GRID1: variants seen among roughly 807,000 people sequenced by gnomAD.
The protein encoded by GRID1 is glutamate ionotropic receptor delta type subunit 1, also known as glutamate receptor ionotropic, delta-1.
In GRID1, 28 loss-of-function variants were observed where a neutral mutation model predicts 98.0. The observed-to-expected ratio is 0.29, with a 90% confidence interval of 0.21 to 0.39. GRID1 has a LOEUF of 0.39. Ranked by LOEUF, GRID1 falls within the 10% of genes least tolerant of loss-of-function variation. The probability of loss-of-function intolerance (pLI) is 1.00; values close to 1 mark genes in which losing one functional copy is unlikely to be tolerated. For synonymous variants in GRID1, 553 were observed against 538.5 expected (o/e 1.03, Z -0.37); for missense variants, 1,111 against 1,340.5 (o/e 0.83, Z 2.67).
rs72842949 is a variant in GRID1, at chr10:85,900,562, G to C, written c.780+15624C>G. On this transcript the variant is annotated intron_variant, in intron 5 of 15. Coordinates refer to ENST00000327946, the MANE Select transcript of GRID1 (RefSeq NM_017551.3). ...AACTCTGCAAAACGGCAATACACTT[G>C]TTGGGAACAATTGATTCATATCTAA... is the stretch of plus-strand genomic sequence containing the variant. Among the ~76,000 whole-genome samples the C allele has an allele frequency of 4.4e-3, 666 of 152,316 alleles. 9 individuals carry two copies. Among genetic ancestry groups the C allele is most frequent in the South Asian group, 0.034 (163 of 4,826 alleles).
At chr10:85,755,945 GGT>G (rs1213158112) in intron 8 of GRID1, among the ~76,000 whole-genome samples, 1 of 152,058 alleles carries the variant, frequency 6.6e-6, no homozygotes, top group African/African-American at 2.4e-5. Context: ...GGACGCCACT[GGT>G]AACAGCTCAG....
chr10:86,310,502 C>A (rs754238598), intron 2 of GRID1, among the ~76,000 whole-genome samples: 2 of 152,198 alleles, frequency 1.3e-5, no homozygotes, highest in African/African-American at 4.8e-5. Context: ...CACCAATATG[C>A]CTTGAGCCCT....
chr10:85,994,018 C>T (rs1366132521), intron 4 of GRID1, among the ~76,000 whole-genome samples: 2 of 152,116 alleles, frequency 1.3e-5, no homozygotes, highest in Non-Finnish European at 2.9e-5. Flanking sequence ...GACATTGCAA[C>T]TTTTAACCTT....
At chr10:85,836,287 TG>T (rs1842910750) in intron 8 of GRID1, among the ~76,000 whole-genome samples, 7 of 151,124 alleles carry the variant, frequency 4.6e-5, no homozygotes, top group Admixed American at 4.6e-4. Flanking sequence ...TGTAGACAAG[TG>T]GAATAGCTCC....
At chr10:86,363,312 C>G (rs1848626210) in intron 2 of GRID1, among the ~76,000 whole-genome samples, 1 of 152,194 alleles carries the variant, frequency 6.6e-6, no homozygotes. Flanking sequence ...GGGCGAACAG[C>G]GCCCACCTCC....
intron 3 of GRID1, among the ~76,000 whole-genome samples, chr10:86,180,161 C>A (rs971024786): frequency 6.6e-6 from 1 of 152,148 alleles, no homozygotes; most frequent in Admixed American, 6.5e-5. Context: ...TGGCCGCCAG[C>A]TAGCTTGTGA....
At chr10:85,927,344 G>A (rs1841788201) in intron 4 of GRID1, among the ~76,000 whole-genome samples, 1 of 152,178 alleles carries the variant, frequency 6.6e-6, no homozygotes. Flanking sequence ...ACCCGAGGTG[G>A]GAGGATCAGT....
chr10:85,602,255 G>A lies in GRID1; in HGVS notation c.*18C>T. ...GGTCGGGTGGGTGGGAGGGTGGGCA[G>A]GAGGGCAGGCGGCGCAGTCAGATGG... On this transcript the variant is annotated 3_prime_UTR_variant, in exon 16 of 16. Transcript: ENST00000327946. 6.8e-7 allele frequency: 1 copy of A among 1,460,444 alleles called. No homozygotes were observed. Among genetic ancestry groups the A allele is most frequent in the Non-Finnish European group, 9.1e-7 (1 of 1,103,474 alleles). 90.5% of individuals were successfully genotyped at this position (1,460,444 alleles called of 1,614,324 possible). A position where few individuals can be genotyped will look rare whatever the true frequency, so the allele number is the denominator to read the frequency against.
At chr10:86,110,657 C>A (rs985390601) in intron 4 of GRID1, among the ~76,000 whole-genome samples, 5 of 152,206 alleles carry the variant, frequency 3.3e-5, no homozygotes, top group Non-Finnish European at 7.3e-5. Flanking sequence ...CACTCTTCTT[C>A]CCCTCTTTCC....
intron 12 of GRID1, among the ~76,000 whole-genome samples, chr10:85,681,585 T>G (rs1003997993): frequency 2.0e-5 from 3 of 152,094 alleles, no homozygotes; most frequent in Non-Finnish European, 4.4e-5. Flanking sequence ...GCACTGCCTC[T>G]TAACCTGGAA....
At chr10:86,285,991 T>C (rs1375708283) in intron 2 of GRID1, among the ~76,000 whole-genome samples, 4 of 152,124 alleles carry the variant, frequency 2.6e-5, no homozygotes, top group East Asian at 1.9e-4. Flanking sequence ...GGTCTAGAAA[T>C]TGGTATAAGT....
intron 2 of GRID1, among the ~76,000 whole-genome samples, chr10:86,358,292 G>A (rs1443718443): frequency 1.3e-5 from 2 of 152,174 alleles, no homozygotes; most frequent in African/African-American, 2.4e-5. Flanking sequence ...AGATTATCAG[G>A]GTGGAAGGAA....
chr10:85,899,547 GA>G (rs1294597784), intron 5 of GRID1, among the ~76,000 whole-genome samples: 2 of 152,158 alleles, frequency 1.3e-5, no homozygotes, highest in African/African-American at 4.8e-5. Context: ...TATTATAACT[GA>G]GATCAAGTTT....
intron 4 of GRID1, among the ~76,000 whole-genome samples, chr10:85,919,988 C>G (rs561179631): frequency 6.6e-6 from 1 of 152,146 alleles, no homozygotes; most frequent in African/African-American, 2.4e-5. Flanking sequence ...TTGGCACTCA[C>G]GGTGCCTTGG....
intron 2 of GRID1, among the ~76,000 whole-genome samples, chr10:86,261,849 G>C (rs1847020529): frequency 6.6e-6 from 1 of 152,046 alleles, no homozygotes; most frequent in East Asian, 1.9e-4. Context: ...GTCACACAAG[G>C]CTTCATTGCT....
chr10:85,833,159 T>A (rs6585982), intron 8 of GRID1, among the ~76,000 whole-genome samples: 41,616 of 152,034 alleles, frequency 0.27, 5,929 homozygotes, highest in African/African-American at 0.34. Flanking sequence ...CTCCACCCAG[T>A]GTCAGCAGGT....
At chr10:86,338,491 A>G (rs1848261397) in intron 2 of GRID1, among the ~76,000 whole-genome samples, 1 of 152,130 alleles carries the variant, frequency 6.6e-6, no homozygotes, top group Non-Finnish European at 1.5e-5. Flanking sequence ...TGTCCTGTAC[A>G]ACCGAAGAAA....
At chr10:85,820,079 T>TAGGC (rs1186072143) in intron 8 of GRID1, among the ~76,000 whole-genome samples, 6 of 77,738 alleles carry the variant, frequency 7.7e-5, no homozygotes, top group East Asian at 3.2e-4. Context: ...GGAAGGCAGG[T>TAGGC]AGGCAGGCAG....
intron 4 of GRID1, among the ~76,000 whole-genome samples, chr10:85,924,319 C>T (rs907529191): frequency 1.3e-5 from 2 of 152,196 alleles, no homozygotes; most frequent in Non-Finnish European, 2.9e-5. Flanking sequence ...TTTTGGTTAA[C>T]ATTGTGCCAT....
Sources: allele counts gnomAD v4.1 joint callset (sites outside exome capture counted in the v4.1 genomes callset), GRCh38; gene constraint gnomAD v4.1.1; transcripts MANE v1.5; gene names NCBI Gene and HGNC (gene_info 2026-07-23, HGNC 2026-07-21).